The following MYO1D variants were observed in gnomAD, a reference collection of about 807,000 sequenced individuals.
MYO1D encodes the protein myosin ID.
MYO1D carries 83 observed loss-of-function variants against 122.0 expected under a neutral mutation model. That is an observed-to-expected ratio of 0.68 (90% CI 0.57 to 0.82). MYO1D has a LOEUF of 0.82. MYO1D is among the 40% of genes least tolerant of loss of function. The pLI, the probability that MYO1D is intolerant of heterozygous loss-of-function variation, is 0.00. For missense variants in MYO1D, 1,157 were observed against 1,269.5 expected (o/e 0.91, Z 1.35); for synonymous variants, 464 against 446.9 (o/e 1.04, Z -0.48).
intron 16 of MYO1D, among the ~76,000 whole-genome samples, chr17:32,688,370 T>C (rs1396796613): frequency 6.6e-6 from 1 of 152,198 alleles, no homozygotes; most frequent in African/African-American, 2.4e-5. Context: ...ACCTAAAACC[T>C]TACACGAACG....
chr17:32,512,075 C>A (rs940492491), intron 21 of MYO1D, among the ~76,000 whole-genome samples: 10 of 152,042 alleles, frequency 6.6e-5, no homozygotes, highest in Non-Finnish European at 2.9e-5. Context: ...CCGAGGTGGG[C>A]GGATCACCTG....
At chr17:32,573,093 A>G (rs1411753228) in intron 21 of MYO1D, among the ~76,000 whole-genome samples, 8 of 152,124 alleles carry the variant, frequency 5.3e-5, no homozygotes, top group Admixed American at 3.9e-4. Context: ...ACTATTATCA[A>G]CTCGGTGTTC....
At chr17:32,557,869 C>A (rs2087082479) in intron 21 of MYO1D, among the ~76,000 whole-genome samples, 1 of 151,856 alleles carries the variant, frequency 6.6e-6, no homozygotes, top group South Asian at 2.1e-4. Context: ...TATGGGAACA[C>A]AGCCACGCTC....
intron 1 of MYO1D, among the ~76,000 whole-genome samples, chr17:32,843,772 T>A (rs193069622): frequency 7.2e-5 from 11 of 152,330 alleles, no homozygotes; most frequent in African/African-American, 2.4e-4. Flanking sequence ...AGAATTAACA[T>A]GAAGAAAATC....
At chr17:32,605,979 A>G (rs959389159) in intron 20 of MYO1D, among the ~76,000 whole-genome samples, 32 of 151,798 alleles carry the variant, frequency 2.1e-4, no homozygotes, top group Non-Finnish European at 4.4e-4. Flanking sequence ...GTGCGCCTGT[A>G]GTCCCAGCTA....
At chr17:32,595,868 G>T (rs559114048) in intron 21 of MYO1D, among the ~76,000 whole-genome samples, 8 of 152,302 alleles carry the variant, frequency 5.3e-5, no homozygotes, top group Admixed American at 6.5e-5. Context: ...TGGGGACAGG[G>T]TGTGGTGGGA....
rs992598500 is a variant in MYO1D, at chr17:32,876,908, G to T, written c.-36C>A. ...CGGGGGCTCAGGTGGGCGCGCTCGG[G>T]CCTCCGGGGCCGCTCCGTGGGCCCG... On this transcript the variant is annotated 5_prime_UTR_variant, in exon 1 of 22. Coordinates refer to ENST00000318217, the MANE Select transcript of MYO1D (RefSeq NM_015194.3). 2.1e-5 allele frequency: 28 copies of T among 1,361,068 alleles called. No homozygotes were observed. Among genetic ancestry groups the T allele is most frequent in the Admixed American group, 5.4e-5 (2 of 36,818 alleles). 84.3% of individuals were successfully genotyped at this position (1,361,068 alleles called of 1,614,324 possible).
chr17:32,848,593 T>C (rs1470101742), intron 1 of MYO1D, among the ~76,000 whole-genome samples: 1 of 152,248 alleles, frequency 6.6e-6, no homozygotes, highest in African/African-American at 2.4e-5. Context: ...AGGCCATTAG[T>C]GGGCTTGAGG....
chr17:32,744,466 A>G (rs1431315171), intron 13 of MYO1D, among the ~76,000 whole-genome samples: 5 of 152,304 alleles, frequency 3.3e-5, no homozygotes, highest in African/African-American at 1.2e-4. Flanking sequence ...TATAATCTCC[A>G]TGAGGCCAGG....
chr17:32,698,153 A>C (rs943781716), intron 16 of MYO1D, among the ~76,000 whole-genome samples: 4 of 152,218 alleles, frequency 2.6e-5, no homozygotes, highest in African/African-American at 9.6e-5. Context: ...TGACTTAGTT[A>C]AATAACCAGA....
At chr17:32,856,543 T>G (rs2091028925) in intron 1 of MYO1D, among the ~76,000 whole-genome samples, 1 of 152,208 alleles carries the variant, frequency 6.6e-6, no homozygotes, top group Admixed American at 6.5e-5. Flanking sequence ...ATCACCCTAA[T>G]GAAAGTCATC....
chr17:32,736,256 CTTTT>C (rs1001146471), intron 14 of MYO1D, among the ~76,000 whole-genome samples: 7 of 152,234 alleles, frequency 4.6e-5, no homozygotes, highest in Non-Finnish European at 8.8e-5. Context: ...TGTCCAGTAT[CTTTT>C]TCTTACTTTA....
intron 21 of MYO1D, among the ~76,000 whole-genome samples, chr17:32,545,468 A>G (rs552196984): frequency 6.6e-6 from 1 of 152,258 alleles, no homozygotes; most frequent in African/African-American, 2.4e-5. Context: ...TCAAATATTT[A>G]TTGAACTAAT....
At chr17:32,547,985 A>G (rs1169000011) in intron 21 of MYO1D, among the ~76,000 whole-genome samples, 2 of 151,342 alleles carry the variant, frequency 1.3e-5, no homozygotes, top group East Asian at 3.9e-4. Flanking sequence ...AGAGTGGTCC[A>G]TTTTGGACAG....
At chr17:32,605,305 C>G (rs1028348937) in intron 20 of MYO1D, 64 bp from the exon 21 acceptor site, 6 of 1,445,452 alleles carry the variant, frequency 4.2e-6, no homozygotes, top group Middle Eastern at 3.7e-4. Context: ...TTAAAAAATA[C>G]ATTTTGGAGC....
chr17:32,667,365 A>G (rs1447754387), intron 16 of MYO1D, among the ~76,000 whole-genome samples: 1 of 152,216 alleles, frequency 6.6e-6, no homozygotes, highest in Non-Finnish European at 1.5e-5. Flanking sequence ...GCTGGTGCTC[A>G]TGTTTTTACC....
At chr17:32,572,027 A>G (rs12951007) in intron 21 of MYO1D, among the ~76,000 whole-genome samples, 20,769 of 152,170 alleles carry the variant, frequency 0.14, 1,742 homozygotes, top group East Asian at 0.38. Context: ...ACTTCCTTTT[A>G]CAACAGACCT....
chr17:32,783,132 T>C (rs2090257672), intron 1 of MYO1D, among the ~76,000 whole-genome samples: 1 of 147,622 alleles, frequency 6.8e-6, no homozygotes, highest in Non-Finnish European at 1.5e-5. Context: ...CACGATTGTT[T>C]AGTTTTGAAT....
chr17:32,768,023 A>T (rs2090076216), intron 6 of MYO1D, among the ~76,000 whole-genome samples: 1 of 152,248 alleles, frequency 6.6e-6, no homozygotes, highest in Non-Finnish European at 1.5e-5. Flanking sequence ...GAGCTGGCTC[A>T]GACAAGCTGA....
Sources: allele counts gnomAD v4.1 joint callset (sites outside exome capture counted in the v4.1 genomes callset), GRCh38; gene constraint gnomAD v4.1.1; transcripts MANE v1.5; gene names NCBI Gene and HGNC (gene_info 2026-07-23, HGNC 2026-07-21).